AGBL1: variants seen among roughly 807,000 people sequenced by gnomAD.
AGBL1 encodes the protein cytosolic carboxypeptidase 4.
AGBL1 carries 130 observed loss-of-function variants against 118.9 expected under a neutral mutation model. The ratio of observed to expected loss-of-function variants is 1.09; its 90% CI spans 0.95 to 1.26. The LOEUF is 1.26. Among genes scored for constraint, AGBL1 ranks in the 50% most tolerant of loss-of-function variants. The pLI, the probability that AGBL1 is intolerant of heterozygous loss-of-function variation, is 0.00. For synonymous variants in AGBL1, 555 were observed against 478.9 expected, an observed-to-expected ratio of 1.16 and a Z score of -2.08; for missense variants, 1,584 against 1,298.1, an observed-to-expected ratio of 1.22 and a Z score of -3.38.
Position 86,627,831 on chromosome 15 carries a change from G to A in AGBL1, c.2995-46442G>A, listed in dbSNP as rs986867474. ...TTGAGACAAAGCCTTTGGAAATGCT[G>A]TGATGAGTGCTGTTTTCACATCTTT... On this transcript the variant is annotated intron_variant, in intron 21 of 22. Transcript: ENST00000614907. Among the ~76,000 whole-genome samples the A allele has an allele frequency of 7.2e-5, 11 of 152,316 alleles. No homozygotes were observed. In the East Asian group the frequency reaches 1.7e-3, roughly 24 times the overall value.
intron 1 of AGBL1, chr15:86,138,195 C>G (rs567106240): frequency 7.9e-5 from 12 of 152,340 alleles, no homozygotes; most frequent in African/African-American, 2.2e-4. Flanking sequence ...AGATTCATCC[C>G]CCAGCCTCCC....
Position 86,721,619 on chromosome 15 carries a change from C to A in AGBL1, c.3158+47183C>A, listed in dbSNP as rs574193343. Among the ~76,000 whole-genome samples, 16 of 152,258 alleles carry A rather than the reference C, an allele frequency of 1.1e-4. No homozygotes were observed. The South Asian group carries it at 3.3e-3, about 32-fold the overall frequency. ...ACAAGACAGGGATGCCCTCTCTCAC[C>A]ACTCCTATTCAACATAGTGTTGGAA... On this transcript the variant is annotated intron_variant, in intron 22 of 22. Coordinates refer to ENST00000614907, the MANE Select transcript of AGBL1 (RefSeq NM_001386094.1).
intron 6 of AGBL1, among the ~76,000 whole-genome samples, chr15:86,242,354 C>G (rs1055525724): frequency 9.2e-5 from 14 of 152,170 alleles, no homozygotes; most frequent in African/African-American, 2.7e-4. Context: ...TACCAGGCAT[C>G]GAGCCATCTA....
At chr15:86,829,126 T>G (rs2079071696) in intron 22 of AGBL1, among the ~76,000 whole-genome samples, 1 of 151,956 alleles carries the variant, frequency 6.6e-6, no homozygotes, top group African/African-American at 2.4e-5. Context: ...CAGAGCCTCG[T>G]GGGGTGATGC....
chr15:86,419,851 G>A (rs972823224), intron 18 of AGBL1, among the ~76,000 whole-genome samples: 3 of 152,194 alleles, frequency 2.0e-5, no homozygotes, highest in Admixed American at 6.5e-5. Flanking sequence ...CCGCCCAGAA[G>A]TTAGGACTGG....
At chr15:86,972,042 A>T (rs1433874956) in intron 23 of AGBL1, among the ~76,000 whole-genome samples, 1 of 151,974 alleles carries the variant, frequency 6.6e-6, no homozygotes, top group Non-Finnish European at 1.5e-5. Flanking sequence ...CTGAACTGTA[A>T]GTCAATTAAA....
intron 23 of AGBL1, among the ~76,000 whole-genome samples, chr15:86,925,659 G>A (rs1350084414): frequency 6.7e-6 from 1 of 149,864 alleles, no homozygotes; most frequent in Non-Finnish European, 1.5e-5. Flanking sequence ...TCCTCTCATT[G>A]ATGGGAGTTT....
intron 5 of AGBL1, chr15:86,173,357 G>A (rs555926894): frequency 6.6e-6 from 1 of 151,958 alleles, no homozygotes; most frequent in Non-Finnish European, 1.5e-5. Context: ...CCCCGCCAGA[G>A]AGTTTGCAAA....
intron 21 of AGBL1, among the ~76,000 whole-genome samples, chr15:86,595,336 A>C (rs1397324082): frequency 6.6e-6 from 1 of 152,140 alleles, no homozygotes; most frequent in African/African-American, 2.4e-5. Flanking sequence ...ATGCTTCAAA[A>C]CTTGCTCCTC....
chr15:86,868,654 A>G (rs1015483366), intron 22 of AGBL1, among the ~76,000 whole-genome samples: 6 of 152,232 alleles, frequency 3.9e-5, no homozygotes, highest in African/African-American at 1.4e-4. Context: ...GAACGACATT[A>G]AACTGATTTC....
At chr15:86,663,051 C>T (rs1567109766) in intron 21 of AGBL1, among the ~76,000 whole-genome samples, 1 of 152,214 alleles carries the variant, frequency 6.6e-6, no homozygotes, top group Non-Finnish European at 1.5e-5. Context: ...TGATATTCCA[C>T]TGATTTTCAC....
At chr15:86,775,332 T>C (rs28533893) in intron 22 of AGBL1, among the ~76,000 whole-genome samples, 12,728 of 152,126 alleles carry the variant, frequency 0.084, 591 homozygotes, top group South Asian at 0.13. Flanking sequence ...TGACTGAATA[T>C]ATGAAGAAAA....
At chr15:86,868,864 G>GA (rs1004845700) in intron 22 of AGBL1, among the ~76,000 whole-genome samples, 44 of 152,040 alleles carry the variant, frequency 2.9e-4, no homozygotes, top group Non-Finnish European at 4.9e-4. Context: ...CTCAAAATTG[G>GA]AAAAAAATAG....
intron 21 of AGBL1, among the ~76,000 whole-genome samples, chr15:86,577,811 C>T (rs1230171424): frequency 7.0e-6 from 1 of 143,492 alleles, no homozygotes; most frequent in Non-Finnish European, 1.5e-5. Context: ...TGGTGTTGAG[C>T]CTGTGAGTGC....
At chr15:86,587,036 T>C (rs972072255) in intron 21 of AGBL1, among the ~76,000 whole-genome samples, 4 of 152,132 alleles carry the variant, frequency 2.6e-5, no homozygotes, top group African/African-American at 9.7e-5. Context: ...CATTCCTCAG[T>C]ACCTTTAAAG....
Position 86,709,267 on chromosome 15 carries a change from T to A in AGBL1, c.3158+34831T>A, listed in dbSNP as rs551441441. 2.6e-5 allele frequency among the ~76,000 whole-genome samples: 4 copies of A among 152,204 alleles called. No individual in the cohort carries two copies. In the South Asian group the frequency reaches 6.2e-4, roughly 24 times the overall value. ...ACCTCCTACTTAAAACTCTCTAGACTTTTTTGGGCAATTTATTTCTTTTTT... is the reference window on the plus strand; with the variant it reads ...ACCTCCTACTTAAAACTCTCTAGACATTTTTGGGCAATTTATTTCTTTTTT... On this transcript the variant is annotated intron_variant, in intron 22 of 22. Transcript: ENST00000614907.
chr15:86,207,811 T>C (rs2078020033), intron 5 of AGBL1, among the ~76,000 whole-genome samples: 1 of 152,198 alleles, frequency 6.6e-6, no homozygotes, highest in African/African-American at 2.4e-5. Context: ...TATTTCTTTC[T>C]CTTGCCTGAT....
chr15:86,198,216 T>C (rs1406427971), intron 5 of AGBL1, among the ~76,000 whole-genome samples: 4 of 152,226 alleles, frequency 2.6e-5, no homozygotes, highest in African/African-American at 9.6e-5. Flanking sequence ...GGAATGGGAA[T>C]GCCTGTCTTA....
intron 22 of AGBL1, among the ~76,000 whole-genome samples, chr15:86,815,770 C>G (rs1188171266): frequency 6.6e-6 from 1 of 152,140 alleles, no homozygotes; most frequent in Non-Finnish European, 1.5e-5. Flanking sequence ...TCCCCGTCCT[C>G]TCCTCTTCTA....
Sources: gnomAD v4.1 joint callset for allele counts (sites outside exome capture counted in the v4.1 genomes callset) on GRCh38, gnomAD v4.1.1 for gene constraint, MANE v1.5 for transcripts, NCBI Gene and HGNC (gene_info 2026-07-23, HGNC 2026-07-21) for gene names.